Variants in SLC25A33 observed in about 807,000 individuals in gnomAD.
SLC25A33 encodes the protein solute carrier family 25 member 33.
In SLC25A33, 15 loss-of-function variants were observed where a neutral mutation model predicts 35.5. The observed-to-expected ratio is 0.42, with a 90% CI of 0.28 to 0.65. The LOEUF is 0.65. Ranked by LOEUF, SLC25A33 falls within the 30% of genes least tolerant of loss-of-function variation. The probability of loss-of-function intolerance (pLI) is 0.20; values close to 1 mark genes in which losing one functional copy is unlikely to be tolerated. For synonymous variants in SLC25A33, 136 were observed against 148.7 expected (o/e 0.91, Z 0.62); for missense variants, 257 against 398.5 (o/e 0.64, Z 3.02).
intron 1 of SLC25A33, among the ~76,000 whole-genome samples, chr1:9,551,186 C>T (rs1040484117): frequency 1.3e-5 from 2 of 151,758 alleles, no homozygotes; most frequent in Non-Finnish European, 2.9e-5. Context: ...AGTTGAAGAC[C>T]AGCCTGGCCA....
chr1:9,570,113 G>T, intron 3 of SLC25A33, 145 bp from the exon 4 acceptor site: 1 of 587,940 alleles, frequency 1.7e-6, no homozygotes, highest in Non-Finnish European at 2.9e-6. Context: ...GGCAGGTTTT[G>T]GTTTTAGCAC....
At chr1:9,556,273 T>C (rs572947659) in intron 2 of SLC25A33, 2 of 979,746 alleles carry the variant, frequency 2.0e-6, no homozygotes, top group South Asian at 9.5e-5. Flanking sequence ...GTTACTTCAG[T>C]AACATTCAAA....
chr1:9,570,251 C>T lies in SLC25A33; in HGVS notation c.315-7C>T, dbSNP rs775484895. On this transcript the variant is annotated splice_region_variant and splice_polypyrimidine_tract_variant and intron_variant, in intron 3 of 6. Transcript: ENST00000302692. ...ATTTCTTTATAATGTTCTCTTTGTT[C>T]TAACAGGGCTGTATACTTTGCATGT... 1 of 1,610,632 alleles carries T rather than the reference C, an allele frequency of 6.2e-7. No homozygotes were observed. The highest frequency in any genetic ancestry group is 8.5e-7 in the Non-Finnish European group (1 of 1,178,280).
chr1:9,572,537 C>G lies in SLC25A33; in HGVS notation c.416-809C>G, dbSNP rs372133448. Among the ~76,000 whole-genome samples the G allele has an allele frequency of 1.1e-4, 16 of 151,960 alleles. No homozygotes were observed. The South Asian group carries it at 1.2e-3, about 12-fold the overall frequency. On this transcript the variant is annotated intron_variant, in intron 4 of 6. Transcript: ENST00000302692. ...GGAGGCTGAGTCAGGTGAATGGCGT[C>G]AACCCGGGAGGCGGAGCTTGCAGTG...
At chr1:9,543,332 C>T (rs1643122135) in intron 1 of SLC25A33, among the ~76,000 whole-genome samples, 2 of 151,534 alleles carry the variant, frequency 1.3e-5, no homozygotes, top group South Asian at 2.1e-4. Flanking sequence ...TTAGTGGAGA[C>T]GGGGTTTCAC....
intron 1 of SLC25A33, among the ~76,000 whole-genome samples, chr1:9,550,677 T>A (rs1220666632): frequency 6.6e-6 from 1 of 151,992 alleles, no homozygotes; most frequent in Non-Finnish European, 1.5e-5. Context: ...AATTAATTAA[T>A]TAATTAATTA....
Position 9,553,203 on chromosome 1 carries a change from G to GTTTTTTTTTTTTTTTTTT in SLC25A33, c.57-416_57-399dup, listed in dbSNP as rs550067186. ...TTAACCTTTATTGTGTTCTAGTTTT[G>GTTTTTTTTTTTTTTTTTT]TTTTTTTTTTTTTTTTTTTTTTTTG... On this transcript the variant is annotated intron_variant, in intron 1 of 6. Coordinates refer to ENST00000302692, the MANE Select transcript of SLC25A33 (RefSeq NM_032315.3). Among the ~76,000 whole-genome samples, 128 of 56,508 alleles carry GTTTTTTTTTTTTTTTTTT rather than the reference G, an allele frequency of 2.3e-3. 3 individuals are homozygous for GTTTTTTTTTTTTTTTTTT. The highest frequency in any genetic ancestry group is 3.0e-3 in the Non-Finnish European group (92 of 30,942). The allele number at this position is 56,508 out of a possible 152,430, so 37.1% of individuals were successfully genotyped here.
chr1:9,553,490 C>T (rs1172421251), intron 1 of SLC25A33, 136 bp from the exon 2 acceptor site: 1 of 849,148 alleles, frequency 1.2e-6, no homozygotes, highest in Non-Finnish European at 1.8e-6. Context: ...ACCTCAGCCT[C>T]CCAAAGTGCT....
intron 4 of SLC25A33, among the ~76,000 whole-genome samples, chr1:9,571,460 AT>A (rs1256753472): frequency 1.3e-5 from 2 of 151,604 alleles, no homozygotes; most frequent in Admixed American, 6.6e-5. Flanking sequence ...CACCCAGCCA[AT>A]TTTTTGTATT....
intron 1 of SLC25A33, among the ~76,000 whole-genome samples, chr1:9,552,433 T>C (rs548942523): frequency 2.6e-5 from 4 of 152,182 alleles, no homozygotes; most frequent in Admixed American, 2.6e-4. Flanking sequence ...GGTTTCACCC[T>C]GTTGGCCAGG....
intron 2 of SLC25A33, among the ~76,000 whole-genome samples, chr1:9,566,183 C>T (rs1643502955): frequency 6.6e-6 from 1 of 151,974 alleles, no homozygotes; most frequent in South Asian, 2.1e-4. Flanking sequence ...GGACCACAGG[C>T]ACACACCACC....
chr1:9,553,253 G>T, intron 1 of SLC25A33, among the ~76,000 whole-genome samples: 1 of 120,958 alleles, frequency 8.3e-6, no homozygotes, highest in Non-Finnish European at 1.6e-5. Flanking sequence ...TTGAGACGGA[G>T]TCTTGCTCTG....
chr1:9,556,351 C>A, intron 2 of SLC25A33: 1 of 702,430 alleles, frequency 1.4e-6, no homozygotes, highest in Non-Finnish European at 1.7e-6. Context: ...GGAACTGTTA[C>A]CCAAAAGTGT....
At chr1:9,546,366 A>G (rs977186658) in intron 1 of SLC25A33, among the ~76,000 whole-genome samples, 4 of 151,558 alleles carry the variant, frequency 2.6e-5, no homozygotes, top group Non-Finnish European at 5.9e-5. Context: ...TTGTATTTTT[A>G]GTAGAGACGG....
At chr1:9,554,612 G>A in intron 2 of SLC25A33, among the ~76,000 whole-genome samples, 1 of 152,082 alleles carries the variant, frequency 6.6e-6, no homozygotes, top group East Asian at 1.9e-4. Context: ...GCCTGCCTCA[G>A]CCTCCCAAAG....
At chr1:9,556,114 A>G in intron 2 of SLC25A33, 1 of 825,932 alleles carries the variant, frequency 1.2e-6, no homozygotes, top group Non-Finnish European at 1.5e-6. Context: ...GACAGATCCG[A>G]GTCCATGGCC....
chr1:9,556,806 T>TA (rs1395362025), intron 2 of SLC25A33, among the ~76,000 whole-genome samples: 2 of 152,148 alleles, frequency 1.3e-5, no homozygotes, highest in Admixed American at 1.3e-4. Flanking sequence ...CATGTTTTAA[T>TA]ACAGGAACAA....
chr1:9,550,077 A>G (rs1003279572), intron 1 of SLC25A33, among the ~76,000 whole-genome samples: 5 of 113,510 alleles, frequency 4.4e-5, no homozygotes, highest in African/African-American at 1.0e-4. Flanking sequence ...CAGTAGTGTC[A>G]TCTCACCTCA....
Position 9,583,209 on chromosome 1 carries a change from C to T in SLC25A33, c.*708C>T. On this transcript the variant is annotated 3_prime_UTR_variant, in exon 7 of 7. Coordinates refer to ENST00000302692, the MANE Select transcript of SLC25A33 (RefSeq NM_032315.3). ...CTCCAGCCTGGTCGACAGAGTGAGA[C>T]TCCATCTCAAAAAAAAAAAAATTGT... 1 of 151,638 alleles carries T rather than the reference C, an allele frequency of 6.6e-6. No individual in the cohort carries two copies. Among genetic ancestry groups the T allele is most frequent in the East Asian group, 1.9e-4 (1 of 5,170 alleles). The allele number at this position is 151,638 out of a possible 1,614,324, so 9.4% of individuals were successfully genotyped here.
Sources: gnomAD v4.1 joint callset for allele counts (sites outside exome capture counted in the v4.1 genomes callset) on GRCh38, gnomAD v4.1.1 for gene constraint, MANE v1.5 for transcripts, NCBI Gene and HGNC (gene_info 2026-07-23, HGNC 2026-07-21) for gene names.